DOCK9: variants seen among roughly 807,000 people sequenced by gnomAD.
DOCK9 encodes the protein dedicator of cytokinesis protein 9.
Under a neutral mutation model 263.3 loss-of-function variants are expected in DOCK9, and 89 were observed. The ratio of observed to expected loss-of-function variants is 0.34; its 90% CI spans 0.28 to 0.40. DOCK9 has a LOEUF of 0.40. DOCK9 is among the 10% of genes least tolerant of loss of function. DOCK9 has a pLI of 1.00. For synonymous variants in DOCK9, 976 were observed against 973.1 expected, an observed-to-expected ratio of 1.00 and a Z score of -0.06; for missense variants, 2,140 against 2,603.4, an observed-to-expected ratio of 0.82 and a Z score of 3.87.
At position 98,895,632 on chromosome 13, in the gene DOCK9, G is replaced by T. The variant is rs368657001; in HGVS notation, c.1709+1856C>A. 1.5e-3 allele frequency among the ~76,000 whole-genome samples: 223 copies of T among 150,226 alleles called. 8 individuals carry two copies. In the South Asian group the frequency reaches 0.044, roughly 30 times the overall value. On this transcript the variant is annotated intron_variant, in intron 15 of 52. Transcript: ENST00000682017. ...GTGAGCTGAAATCGTGCTACTGTAC[G>T]CCAGCCTGAGGGACAGAGTGAGACT...
At chr13:99,002,738 T>A (rs768121983) in intron 1 of DOCK9, among the ~76,000 whole-genome samples, 7 of 152,228 alleles carry the variant, frequency 4.6e-5, no homozygotes, top group Non-Finnish European at 7.3e-5. Flanking sequence ...TTCACCTTTC[T>A]GCTAAGCTCA....
chr13:98,975,972 CTT>C (rs1249058313), intron 1 of DOCK9, among the ~76,000 whole-genome samples: 5 of 152,364 alleles, frequency 3.3e-5, no homozygotes, highest in Non-Finnish European at 5.9e-5. Flanking sequence ...CTGTTGAACT[CTT>C]GTTTGCCAGT....
intron 1 of DOCK9, among the ~76,000 whole-genome samples, chr13:99,045,729 A>T: frequency 6.6e-6 from 1 of 152,114 alleles, no homozygotes; most frequent in East Asian, 1.9e-4. Context: ...ATTTTTGTCA[A>T]AAAATGCATA....
At chr13:98,900,503 T>A (rs568247959) in intron 13 of DOCK9, among the ~76,000 whole-genome samples, 1 of 152,338 alleles carries the variant, frequency 6.6e-6, no homozygotes, top group South Asian at 2.1e-4. Context: ...TACACAGCTT[T>A]CATCAGCCAA....
intron 32 of DOCK9, 32 bp downstream of exon 32, chr13:98,862,987 T>C (rs1317858212): frequency 1.1e-5 from 17 of 1,561,172 alleles, no homozygotes; most frequent in Middle Eastern, 1.7e-4. Flanking sequence ...GGACCTGATA[T>C]AGGCTGAGTT....
chr13:98,854,811 C>T (rs559831813), intron 34 of DOCK9: 10 of 152,224 alleles, frequency 6.6e-5, no homozygotes, highest in African/African-American at 2.4e-4. Context: ...CTGAGCTGCT[C>T]GCACCTCAAC....
chr13:99,062,844 C>G (rs2142303898), intron 1 of DOCK9, among the ~76,000 whole-genome samples: 1 of 152,312 alleles, frequency 6.6e-6, no homozygotes, highest in South Asian at 2.1e-4. Flanking sequence ...AGGACCGCGC[C>G]AGTTCAGTGG....
chr13:98,881,486 A>G, intron 25 of DOCK9, 72 bp downstream of exon 25: 1 of 1,289,690 alleles, frequency 7.8e-7, no homozygotes, highest in East Asian at 2.5e-5. Context: ...CAGGCTTGTG[A>G]AAAAATAAGT....
chr13:98,845,041 A>G (rs1438029217), intron 38 of DOCK9, among the ~76,000 whole-genome samples: 1 of 152,208 alleles, frequency 6.6e-6, no homozygotes, highest in Non-Finnish European at 1.5e-5. Context: ...GGTATTATAA[A>G]TGATCTCATC....
rs376596152 is a variant in DOCK9 at position 98,914,322 on chromosome 13, T to C, written c.960+6A>G. ...ACGAAGAGCAGAAGATATAAGACGA[T>C]GTTACCTTGGCAAGTTCCGGCAGGT... On this transcript the variant is annotated splice_donor_region_variant and intron_variant, in intron 9 of 52. Transcript: ENST00000682017. 1.8e-4 allele frequency: 295 copies of C among 1,606,438 alleles called. No individual in the cohort carries two copies. Among genetic ancestry groups the C allele is most frequent in the Non-Finnish European group, 2.3e-4 (276 of 1,176,494 alleles).
intron 45 of DOCK9, among the ~76,000 whole-genome samples, chr13:98,813,207 A>G (rs184024341): frequency 1.3e-5 from 2 of 152,126 alleles, no homozygotes; most frequent in Non-Finnish European, 2.9e-5. Context: ...GGAAAGATTT[A>G]TTTCTTTTTC....
rs74935808 is a variant in DOCK9, at chr13:98,853,525, A to G, written c.3832-3T>C. On this transcript the variant is annotated splice_region_variant and splice_polypyrimidine_tract_variant and intron_variant, in intron 34 of 52. Transcript: ENST00000682017. ...CCCAATGTGCTACTTTGTTGGTGCT[A>G]AAAAGAAAATACAGGTGATTTTTCT... is the stretch of plus-strand genomic sequence containing the variant. 12,947 of 1,601,246 alleles carry G rather than the reference A, an allele frequency of 8.1e-3. 858 individuals are homozygous for G. In the African/African-American group the frequency reaches 0.15, roughly 18 times the overall value.
chr13:98,962,348 T>C (rs1469103755), intron 1 of DOCK9, among the ~76,000 whole-genome samples: 1 of 152,262 alleles, frequency 6.6e-6, no homozygotes, highest in Non-Finnish European at 1.5e-5. Context: ...CTCCGTGCCT[T>C]ATTTTGTTTT....
At chr13:98,877,496 G>A (rs2044054861) in intron 27 of DOCK9, among the ~76,000 whole-genome samples, 1 of 152,100 alleles carries the variant, frequency 6.6e-6, no homozygotes, top group Non-Finnish European at 1.5e-5. Flanking sequence ...AAAGCCTTAT[G>A]TTCATGTAGT....
intron 15 of DOCK9, among the ~76,000 whole-genome samples, chr13:98,894,075 C>T (rs2047024334): frequency 6.6e-6 from 1 of 152,128 alleles, no homozygotes; most frequent in African/African-American, 2.4e-5. Context: ...TTTCTGCTCC[C>T]ATCACTTTCA....
intron 21 of DOCK9, among the ~76,000 whole-genome samples, chr13:98,884,598 A>G (rs1367450623): frequency 1.3e-5 from 2 of 152,208 alleles, no homozygotes; most frequent in Admixed American, 6.5e-5. Context: ...TGGGTGAGAG[A>G]TTTGGCGTAC....
chr13:99,041,544 C>T (rs963912563), intron 1 of DOCK9, among the ~76,000 whole-genome samples: 5 of 152,124 alleles, frequency 3.3e-5, no homozygotes, highest in South Asian at 2.1e-4. Flanking sequence ...ACCATCAATC[C>T]CCAGAGGTGG....
At chr13:98,813,069 T>C (rs1247053622) in intron 45 of DOCK9, among the ~76,000 whole-genome samples, 3 of 152,250 alleles carry the variant, frequency 2.0e-5, no homozygotes, top group South Asian at 2.1e-4. Flanking sequence ...AGTATAAGAA[T>C]GAAGAAGTTA....
chr13:98,810,734 T>TG (rs1358507542), intron 45 of DOCK9, among the ~76,000 whole-genome samples: 1 of 152,112 alleles, frequency 6.6e-6, no homozygotes, highest in Non-Finnish European at 1.5e-5. Context: ...TGATGGAGTG[T>TG]GGGGGGCACC....
Sources: allele counts gnomAD v4.1 joint callset (sites outside exome capture counted in the v4.1 genomes callset), GRCh38; gene constraint gnomAD v4.1.1; transcripts MANE v1.5; gene names NCBI Gene and HGNC (gene_info 2026-07-23, HGNC 2026-07-21).